The following ANK3 variants were observed in gnomAD, a reference collection of about 807,000 sequenced individuals.
The protein encoded by ANK3 is ankyrin 3, also known as ankyrin-3.
Under a neutral mutation model 370.9 loss-of-function variants are expected in ANK3, and 57 were observed. The ratio of observed to expected loss-of-function variants is 0.15; its 90% confidence interval spans 0.12 to 0.19. The LOEUF (loss-of-function observed/expected upper bound fraction) is 0.19. Ranked by LOEUF, ANK3 falls within the 10% of genes least tolerant of loss-of-function variation. ANK3 has a pLI of 1.00. For synonymous variants in ANK3, 1,929 were observed against 1,946.3 expected (o/e 0.99, Z 0.23); for missense variants, 4,439 against 5,302.1 (o/e 0.84, Z 5.06).
intron 2 of ANK3, among the ~76,000 whole-genome samples, chr10:60,461,265 C>T (rs1308041520): frequency 6.6e-6 from 1 of 152,090 alleles, no homozygotes; most frequent in East Asian, 1.9e-4. Context: ...AAACCTAAAC[C>T]ACAATCAATG....
At chr10:60,176,624 G>T (rs546022551) in intron 18 of ANK3, among the ~76,000 whole-genome samples, 1 of 152,040 alleles carries the variant, frequency 6.6e-6, no homozygotes, top group Non-Finnish European at 1.5e-5. Flanking sequence ...TTAGCCAGGC[G>T]TGGCGGTGCC....
intron 2 of ANK3, among the ~76,000 whole-genome samples, chr10:60,509,345 C>A (rs576219562): frequency 1.3e-5 from 2 of 152,090 alleles, no homozygotes; most frequent in Admixed American, 1.3e-4. Context: ...TTTACATGTA[C>A]AAATTCACTT....
chr10:60,349,917 C>T (rs925139436), intron 1 of ANK3, among the ~76,000 whole-genome samples: 1 of 152,108 alleles, frequency 6.6e-6, no homozygotes, highest in African/African-American at 2.4e-5. Flanking sequence ...CATAAAGTAA[C>T]GGACTTGTCT....
intron 27 of ANK3, among the ~76,000 whole-genome samples, chr10:60,107,805 G>T (rs7082355): frequency 0.2 from 30,383 of 152,048 alleles, 3,565 homozygotes; most frequent in East Asian, 0.53. Flanking sequence ...ACATGTAATT[G>T]ATAGCAAATG....
chr10:60,062,202 A>AG (rs2080684859), intron 40 of ANK3: 1 of 152,354 alleles, frequency 6.6e-6, no homozygotes, highest in Admixed American at 6.5e-5. Flanking sequence ...CAGGAGGCAG[A>AG]GGTTGCAGTG....
At position 60,431,360 on chromosome 10, in the gene ANK3, C is replaced by T. The variant is rs577395667; in HGVS notation, c.97-151721G>A. ...TTGTGCTCCTCTGAGACTCTAATGC[C>T]GCTGCTGATCTGACAGGAGGCGGAG... On this transcript the variant is annotated intron_variant, in intron 2 of 43. Transcript: ENST00000373827. Among the ~76,000 whole-genome samples, 21 of 152,126 alleles carry T rather than the reference C, an allele frequency of 1.4e-4. No homozygotes were observed. The South Asian group carries it at 3.5e-3, about 26-fold the overall frequency.
At chr10:60,462,768 G>A (rs977871135) in intron 2 of ANK3, among the ~76,000 whole-genome samples, 22 of 151,932 alleles carry the variant, frequency 1.4e-4, no homozygotes, top group South Asian at 8.3e-4. Context: ...TTAATTGGCT[G>A]GAGTGATGCC....
At chr10:60,337,637 G>A (rs2053318168) in intron 1 of ANK3, among the ~76,000 whole-genome samples, 2 of 151,804 alleles carry the variant, frequency 1.3e-5, no homozygotes, top group Admixed American at 1.3e-4. Context: ...TCTCATAATT[G>A]GCAAGCATGC....
At chr10:60,185,596 A>G (rs1426045766) in intron 17 of ANK3, among the ~76,000 whole-genome samples, 1 of 152,102 alleles carries the variant, frequency 6.6e-6, no homozygotes, top group Admixed American at 6.6e-5. Context: ...CTATTTTGCA[A>G]CCCTACTCCA....
rs761833443 is a variant in ANK3 at position 60,073,208 on chromosome 10, C to T, written c.7673G>A (p.Arg2558His). Residue 2558 changes from arginine (R) to histidine (H), a missense_variant, in exon 37 of 44, where the codon CGC becomes CAC. Around this residue, in one of 13 missense-constraint regions of ANK3, gnomAD observed 1,601 missense variants for 1,731.7 expected, o/e 0.92. Coordinates refer to ENST00000280772, the MANE Select transcript of ANK3 (RefSeq NM_020987.5). ...VSSPKHAMWM[R>H]FTEDRLDRGR... ...TCTGTCTAATCTGTCCTCAGTAAAG[C>T]GCATCCACATGGCATGTTTTGGACT... 3.3e-5 allele frequency: 54 copies of T among 1,613,982 alleles called. No homozygotes were observed. Among genetic ancestry groups the T allele is most frequent in the South Asian group, 2.2e-4 (20 of 91,084 alleles).
At chr10:60,263,711 T>G in intron 6 of ANK3, 124 bp downstream of exon 6, 1 of 1,102,716 alleles carries the variant, frequency 9.1e-7, no homozygotes, top group Non-Finnish European at 1.3e-6. Context: ...ACACACATTG[T>G]TCCTCCCTTC....
intron 4 of ANK3, among the ~76,000 whole-genome samples, chr10:60,276,082 C>G (rs7917162): frequency 0.05 from 7,681 of 152,118 alleles, 657 homozygotes; most frequent in African/African-American, 0.17. Flanking sequence ...GACCTAAGAT[C>G]AAGGCAATGA....
At chr10:60,428,914 G>C (rs992010950) in intron 2 of ANK3, among the ~76,000 whole-genome samples, 2 of 152,156 alleles carry the variant, frequency 1.3e-5, no homozygotes, top group Non-Finnish European at 2.9e-5. Flanking sequence ...ATTCACAGAA[G>C]AAATTAGAAA....
chr10:60,568,514 A>C (rs916364301), intron 2 of ANK3, among the ~76,000 whole-genome samples: 4 of 152,238 alleles, frequency 2.6e-5, no homozygotes, highest in African/African-American at 9.6e-5. Context: ...TATCCACTTT[A>C]CTGCAGTGGT....
intron 1 of ANK3, among the ~76,000 whole-genome samples, chr10:60,651,498 G>A (rs954472175): frequency 6.6e-6 from 1 of 152,192 alleles, no homozygotes; most frequent in Non-Finnish European, 1.5e-5. Flanking sequence ...ACTTTTTTGA[G>A]TAAAATGCAA....
intron 1 of ANK3, among the ~76,000 whole-genome samples, chr10:60,683,075 C>G (rs1450455268): frequency 6.6e-6 from 1 of 152,062 alleles, no homozygotes; most frequent in East Asian, 1.9e-4. Flanking sequence ...TGAAGGACAC[C>G]AGCTGGTGTC....
At chr10:60,544,654 C>G (rs1042309001) in intron 2 of ANK3, among the ~76,000 whole-genome samples, 1 of 152,010 alleles carries the variant, frequency 6.6e-6, no homozygotes, top group Non-Finnish European at 1.5e-5. Flanking sequence ...AGATTTTAAT[C>G]TAAAACAACA....
intron 35 of ANK3, chr10:60,081,533 G>A: frequency 2.3e-6 from 1 of 438,860 alleles, no homozygotes; most frequent in East Asian, 7.0e-5. Flanking sequence ...TTAAAAAAAT[G>A]GTCAAGATAA....
At position 60,220,785 on chromosome 10, in the gene ANK3, TCTC is replaced by T. The variant is rs1467990060; in HGVS notation, c.898-7278_898-7276del. On this transcript the variant is annotated intron_variant, in intron 8 of 43. Transcript: ENST00000280772. ...CCACCTTGGGCACAGGTTCTCAGGA[TCTC>T]CTAAGGGCTACATCACGGGCCACCA... Among the ~76,000 whole-genome samples, 9 of 152,098 alleles carry T rather than the reference TCTC, an allele frequency of 5.9e-5. No individual in the cohort carries two copies. In the East Asian group the frequency reaches 7.7e-4, roughly 13 times the overall value.
Sources: allele counts gnomAD v4.1 joint callset (sites outside exome capture counted in the v4.1 genomes callset), GRCh38; gene constraint gnomAD v4.1.1; regional missense constraint gnomAD v4.1.1; transcripts MANE v1.5; gene names NCBI Gene and HGNC (gene_info 2026-07-23, HGNC 2026-07-21).